The following LRIG1 variants were observed in gnomAD, a reference collection of about 807,000 sequenced individuals.
LRIG1 encodes leucine-rich repeats and immunoglobulin-like domains protein 1.
Under a neutral mutation model 99.2 loss-of-function variants are expected in LRIG1, and 48 were observed. The ratio of observed to expected loss-of-function variants is 0.48; its 90% CI spans 0.38 to 0.62. The LOEUF (loss-of-function observed/expected upper bound fraction) is 0.62, where lower values mean the gene tolerates loss of function less well. Ranked by LOEUF, LRIG1 falls within the 20% of genes least tolerant of loss-of-function variation. The probability of loss-of-function intolerance (pLI) is 0.00; values close to 1 mark genes in which losing one functional copy is unlikely to be tolerated. For synonymous variants in LRIG1, 772 were observed against 596.1 expected, an observed-to-expected ratio of 1.29 and a Z score of -4.30; for missense variants, 1,646 against 1,434.4, an observed-to-expected ratio of 1.15 and a Z score of -2.38.
At chr3:66,412,819 A>G (rs1360282462) in intron 6 of LRIG1, 52 bp downstream of exon 6, 1 of 1,603,448 alleles carries the variant, frequency 6.2e-7, no homozygotes. Context: ...GCCACATCAC[A>G]CCACACCGCA....
At chr3:66,460,239 C>A (rs531706958) in intron 2 of LRIG1, among the ~76,000 whole-genome samples, 1 of 152,246 alleles carries the variant, frequency 6.6e-6, no homozygotes, top group Admixed American at 6.5e-5. Context: ...CCAATTTTGT[C>A]CAGTCCTAAA....
chr3:66,467,773 CTG>C (rs1456573873), intron 1 of LRIG1, among the ~76,000 whole-genome samples: 1 of 152,222 alleles, frequency 6.6e-6, no homozygotes. Flanking sequence ...TTAAACTGTG[CTG>C]TGTCTGAATT....
At chr3:66,494,434 A>C (rs1701183449) in intron 1 of LRIG1, among the ~76,000 whole-genome samples, 2 of 152,198 alleles carry the variant, frequency 1.3e-5, no homozygotes, top group African/African-American at 4.8e-5. Context: ...TCTCTCCCCC[A>C]GTCAATAACC....
chr3:66,478,497 C>A (rs1463106823), intron 1 of LRIG1, among the ~76,000 whole-genome samples: 2 of 152,212 alleles, frequency 1.3e-5, no homozygotes, highest in Non-Finnish European at 2.9e-5. Context: ...CCAGGAGGAC[C>A]ACACAGGTCA....
intron 2 of LRIG1, among the ~76,000 whole-genome samples, chr3:66,454,561 G>A (rs1438415727): frequency 2.0e-5 from 3 of 152,038 alleles, no homozygotes; most frequent in Non-Finnish European, 1.5e-5. Flanking sequence ...TTCCATCCAA[G>A]GCCCTAAAAA....
At chr3:66,382,437 G>GTGAC in intron 15 of LRIG1, 39 bp from the exon 16 acceptor site, 1 of 1,613,458 alleles carries the variant, frequency 6.2e-7, no homozygotes, top group Non-Finnish European at 8.5e-7. Flanking sequence ...CAGGGTCTCA[G>GTGAC]TGACAAGAAA....
At chr3:66,492,667 G>C (rs1701129705) in intron 1 of LRIG1, among the ~76,000 whole-genome samples, 1 of 152,082 alleles carries the variant, frequency 6.6e-6, no homozygotes, top group Non-Finnish European at 1.5e-5. Context: ...CCCTCTAAAT[G>C]TCACCTTTTG....
In LRIG1 at chr3:66,398,119, T is replaced by G; in HGVS notation, c.1297A>C (p.Lys433Gln). ...GGGAATCCAGATACTTACAGCTCTT[T>G]AAGATTCTTCATCTTCACAAAGGCA... The part of the protein sequence containing the change: ...FDAFVKMKNL[K>Q]ELHISSDSFL... Residue 433 changes from lysine (K) to glutamine (Q), a missense_variant, in exon 11 of 19, where the codon AAA becomes CAA. By Grantham distance (53) the Lys-to-Gln change is moderately conservative (BLOSUM62 1). Coordinates refer to ENST00000273261, the MANE Select transcript of LRIG1 (RefSeq NM_015541.3). 6.2e-7 allele frequency: 1 copy of G among 1,613,368 alleles called. No homozygotes were observed. Among genetic ancestry groups the G allele is most frequent in the Non-Finnish European group, 8.5e-7 (1 of 1,179,270 alleles).
At chr3:66,479,722 C>A (rs1418256132) in intron 1 of LRIG1, among the ~76,000 whole-genome samples, 1 of 152,184 alleles carries the variant, frequency 6.6e-6, no homozygotes, top group African/African-American at 2.4e-5. Flanking sequence ...TATGGAAATG[C>A]AAATCAAAAC....
chr3:66,382,545 C>T (rs115130923), intron 15 of LRIG1, 147 bp from the exon 16 acceptor site: 1 of 890,964 alleles, frequency 1.1e-6, no homozygotes, highest in Non-Finnish European at 1.8e-6. Flanking sequence ...ATGTACGCAA[C>T]AGGCCCTCCC....
chr3:66,430,767 A>C (rs962259064), intron 3 of LRIG1, among the ~76,000 whole-genome samples: 1 of 152,100 alleles, frequency 6.6e-6, no homozygotes, highest in Admixed American at 6.5e-5. Context: ...AGAGATGGAC[A>C]ATGAGCCACT....
intron 9 of LRIG1, among the ~76,000 whole-genome samples, chr3:66,400,299 G>A (rs1280654468): frequency 6.6e-6 from 1 of 152,198 alleles, no homozygotes; most frequent in African/African-American, 2.4e-5. Context: ...GAAGAGAATC[G>A]AGTTTTCCCC....
intron 2 of LRIG1, among the ~76,000 whole-genome samples, chr3:66,461,132 G>A (rs944369189): frequency 3.9e-5 from 6 of 152,026 alleles, no homozygotes; most frequent in Admixed American, 1.3e-4. Context: ...CCAACATGGC[G>A]GAACACCATC....
At chr3:66,422,793 A>G (rs1005494758) in intron 3 of LRIG1, among the ~76,000 whole-genome samples, 2 of 152,236 alleles carry the variant, frequency 1.3e-5, no homozygotes, top group African/African-American at 2.4e-5. Flanking sequence ...ATAAAGACAC[A>G]AAGACTGGGC....
At chr3:66,483,697 G>T (rs867334046) in intron 1 of LRIG1, among the ~76,000 whole-genome samples, 2 of 152,220 alleles carry the variant, frequency 1.3e-5, no homozygotes, top group African/African-American at 4.8e-5. Flanking sequence ...GTCTATGGAA[G>T]AAGCCACCCT....
chr3:66,492,570 AAAGAT>A (rs1490743303), intron 1 of LRIG1, among the ~76,000 whole-genome samples: 5 of 152,294 alleles, frequency 3.3e-5, no homozygotes, highest in Middle Eastern at 3.4e-3. Flanking sequence ...GCAGATCATA[AAAGAT>A]AAGAGATTAG....
chr3:66,433,048 G>C (rs1188525103), intron 3 of LRIG1, among the ~76,000 whole-genome samples: 1 of 152,182 alleles, frequency 6.6e-6, no homozygotes, highest in South Asian at 2.1e-4. Flanking sequence ...GACTGGAGTG[G>C]TCAGCGGCCA....
At chr3:66,386,582 G>A (rs1036609655) in intron 12 of LRIG1, 7 of 382,618 alleles carry the variant, frequency 1.8e-5, no homozygotes, top group African/African-American at 1.4e-4. Context: ...CCAGCCGGCA[G>A]TTTCCTTAAG....
chr3:66,400,739 A>G (rs368949965), intron 9 of LRIG1, among the ~76,000 whole-genome samples: 54 of 152,286 alleles, frequency 3.5e-4, no homozygotes, highest in African/African-American at 1.3e-3. Flanking sequence ...GGAGGAAAAG[A>G]AAGGAAATAT....
Sources: gnomAD v4.1 joint callset for allele counts (sites outside exome capture counted in the v4.1 genomes callset) on GRCh38, gnomAD v4.1.1 for gene constraint, MANE v1.5 for transcripts, NCBI Gene and HGNC (gene_info 2026-07-23, HGNC 2026-07-21) for gene names.